The following STAG1 variants were observed in gnomAD, a reference collection of about 807,000 sequenced individuals.
The protein encoded by STAG1 is cohesin subunit SA-1.
A neutral mutation model predicts 170.9 loss-of-function variants in STAG1; 26 were observed. The observed-to-expected ratio is 0.15, with a 90% CI of 0.11 to 0.21. The LOEUF is 0.21. Ranked by LOEUF, STAG1 falls within the 10% of genes least tolerant of loss-of-function variation. STAG1 has a pLI of 1.00. For synonymous variants in STAG1, 514 were observed against 497.7 expected (o/e 1.03, Z -0.44); for missense variants, 964 against 1,509.5 (o/e 0.64, Z 5.99).
At chr3:136,419,678 G>A (rs1465617120) in intron 20 of STAG1, among the ~76,000 whole-genome samples, 1 of 148,714 alleles carries the variant, frequency 6.7e-6, no homozygotes, top group Non-Finnish European at 1.5e-5. Context: ...GGCCAGGCTG[G>A]TCTTGAACCC....
intron 26 of STAG1, among the ~76,000 whole-genome samples, chr3:136,361,378 C>T (rs925513490): frequency 1.3e-5 from 2 of 152,172 alleles, no homozygotes; most frequent in African/African-American, 4.8e-5. Context: ...TGCAATAAAA[C>T]ATCTTTTACA....
intron 6 of STAG1, among the ~76,000 whole-genome samples, chr3:136,541,584 A>ACACACACACACACACACACC (rs1491081484): frequency 6.7e-6 from 1 of 148,870 alleles, no homozygotes. Context: ...ACACACACAC[A>ACACACACACACACACACACC]CCAGGGGTTT....
At chr3:136,714,371 G>A (rs1001482108) in intron 1 of STAG1, among the ~76,000 whole-genome samples, 1 of 152,124 alleles carries the variant, frequency 6.6e-6, no homozygotes, top group Non-Finnish European at 1.5e-5. Flanking sequence ...CAAGGCAGGA[G>A]GATCGTTTAA....
chr3:136,724,194 G>A (rs879967338), intron 1 of STAG1, among the ~76,000 whole-genome samples: 4 of 152,072 alleles, frequency 2.6e-5, no homozygotes, highest in African/African-American at 4.8e-5. Context: ...TTGAGAAATC[G>A]GATGGTTGCC....
intron 9 of STAG1, among the ~76,000 whole-genome samples, chr3:136,489,033 C>CA (rs2090071956): frequency 6.6e-6 from 1 of 152,102 alleles, no homozygotes; most frequent in African/African-American, 2.4e-5. Flanking sequence ...AATCATAAGA[C>CA]AGACTAATTT....
intron 1 of STAG1, among the ~76,000 whole-genome samples, chr3:136,690,225 A>C (rs1942677710): frequency 2.0e-5 from 3 of 152,030 alleles, no homozygotes; most frequent in Admixed American, 2.0e-4. Flanking sequence ...TAAGGAAACC[A>C]ATTTGTTTTT....
At chr3:136,408,731 A>C (rs952600029) in intron 21 of STAG1, among the ~76,000 whole-genome samples, 1 of 152,204 alleles carries the variant, frequency 6.6e-6, no homozygotes. Flanking sequence ...GTAGACAGCA[A>C]GTAGGATGTA....
At chr3:136,352,770 G>A (rs999659578) in intron 28 of STAG1, among the ~76,000 whole-genome samples, 6 of 152,094 alleles carry the variant, frequency 3.9e-5, no homozygotes, top group Admixed American at 3.9e-4. Flanking sequence ...TGTGTTACAT[G>A]ATATTATCAA....
chr3:136,413,273 G>A (rs903129781), intron 21 of STAG1, among the ~76,000 whole-genome samples: 5 of 147,000 alleles, frequency 3.4e-5, no homozygotes, highest in South Asian at 4.2e-4. Flanking sequence ...ATTACATATC[G>A]TATACAATAT....
intron 1 of STAG1, among the ~76,000 whole-genome samples, chr3:136,632,827 T>C (rs1940383383): frequency 3.3e-5 from 5 of 152,140 alleles, no homozygotes; most frequent in Admixed American, 3.3e-4. Context: ...AAGCTGCAAA[T>C]GGCCAGGCTA....
In STAG1 at chr3:136,569,756, A is replaced by T. The variant is rs116801424; in HGVS notation, c.298-895T>A. ...ATAGTGCAATAACTAGAAAATATAA[A>T]TGGATTAGTAGCTTGTTCACAACGA... On this transcript the variant is annotated intron_variant, in intron 4 of 33. Transcript: ENST00000383202. Among the ~76,000 whole-genome samples, 1,080 of 152,214 alleles carry T rather than the reference A, an allele frequency of 7.1e-3. 19 individuals carry two copies. The highest frequency in any genetic ancestry group is 0.023 in the African/African-American group (972 of 41,572).
intron 1 of STAG1, among the ~76,000 whole-genome samples, chr3:136,718,120 G>T (rs1425491429): frequency 6.6e-6 from 1 of 152,088 alleles, no homozygotes; most frequent in Non-Finnish European, 1.5e-5. Flanking sequence ...AAAAGAAATT[G>T]AAATTTTTAT....
At chr3:136,340,349 C>T (rs548646036) in intron 32 of STAG1, 142 bp downstream of exon 32, 17 of 557,758 alleles carry the variant, frequency 3.0e-5, no homozygotes, top group South Asian at 1.4e-4. Context: ...TTCGAACTCC[C>T]GACCTCAGGT....
At chr3:136,609,845 C>T (rs1202891393) in intron 3 of STAG1, among the ~76,000 whole-genome samples, 1 of 151,830 alleles carries the variant, frequency 6.6e-6, no homozygotes, top group Non-Finnish European at 1.5e-5. Flanking sequence ...GAATTGTTGT[C>T]GGAGGCTTTG....
chr3:136,485,356 C>G (rs921204035), intron 9 of STAG1, among the ~76,000 whole-genome samples: 1 of 151,998 alleles, frequency 6.6e-6, no homozygotes, highest in Non-Finnish European at 1.5e-5. Context: ...ACTCGAGAGG[C>G]TGAGGCAGGA....
At chr3:136,371,952 G>A (rs920165304) in intron 23 of STAG1, among the ~76,000 whole-genome samples, 4 of 152,122 alleles carry the variant, frequency 2.6e-5, no homozygotes, top group African/African-American at 9.7e-5. Flanking sequence ...TGGGCAGTAC[G>A]GCCATTTTCA....
chr3:136,539,972 C>T (rs951308950), intron 6 of STAG1, among the ~76,000 whole-genome samples: 13 of 151,876 alleles, frequency 8.6e-5, no homozygotes, highest in African/African-American at 2.9e-4. Context: ...ATGATTATTC[C>T]TTGAGAATTA....
intron 1 of STAG1, among the ~76,000 whole-genome samples, chr3:136,664,618 ATATAC>A (rs1297653163): frequency 6.6e-6 from 1 of 152,222 alleles, no homozygotes; most frequent in East Asian, 1.9e-4. Flanking sequence ...AGAACCACAG[ATATAC>A]TATACATTTG....
chr3:136,587,541 CAAAAAA>C (rs747339467), intron 4 of STAG1, among the ~76,000 whole-genome samples: 4 of 60,784 alleles, frequency 6.6e-5, no homozygotes, highest in African/African-American at 1.5e-4. Context: ...AACTCCATCT[CAAAAAA>C]AAAAAAAAAA....
Sources: gnomAD v4.1 joint callset for allele counts (sites outside exome capture counted in the v4.1 genomes callset) on GRCh38, gnomAD v4.1.1 for gene constraint, MANE v1.5 for transcripts, NCBI Gene and HGNC (gene_info 2026-07-23, HGNC 2026-07-21) for gene names.